Variants in MTMR3 observed in about 807,000 individuals in gnomAD.
The protein encoded by MTMR3 is phosphatidylinositol-3,5-bisphosphate 3-phosphatase MTMR3.
Under a neutral mutation model 132.4 loss-of-function variants are expected in MTMR3, and 32 were observed. The ratio of observed to expected loss-of-function variants is 0.24; its 90% CI spans 0.18 to 0.32. The LOEUF (loss-of-function observed/expected upper bound fraction) is 0.32, where lower values mean the gene tolerates loss of function less well. Ranked by LOEUF, MTMR3 falls within the 10% of genes least tolerant of loss-of-function variation. The pLI, the probability that MTMR3 is intolerant of heterozygous loss-of-function variation, is 1.00. For synonymous variants in MTMR3, 556 were observed against 550.3 expected, an observed-to-expected ratio of 1.01 and a Z score of -0.14; for missense variants, 1,216 against 1,489.6, an observed-to-expected ratio of 0.82 and a Z score of 3.02.
chr22:29,956,612 A>G (rs1005493809), intron 1 of MTMR3, among the ~76,000 whole-genome samples: 14 of 152,158 alleles, frequency 9.2e-5, no homozygotes. Flanking sequence ...AGATCCCTTG[A>G]TAGAAGCCAA....
At chr22:29,979,494 A>AAAAC (rs371725270) in intron 5 of MTMR3, 1 of 239,034 alleles carries the variant, frequency 4.2e-6, no homozygotes. Context: ...CTCCATCTCA[A>AAAAC]AAACAAACAA....
At chr22:29,938,309 G>C (rs2065789614) in intron 1 of MTMR3, among the ~76,000 whole-genome samples, 1 of 152,172 alleles carries the variant, frequency 6.6e-6, no homozygotes, top group South Asian at 2.1e-4. Flanking sequence ...ACCTTCTCTT[G>C]AGTATACCCA....
chr22:29,936,443 TC>T (rs1724218385), intron 1 of MTMR3, among the ~76,000 whole-genome samples: 1 of 152,194 alleles, frequency 6.6e-6, no homozygotes, highest in Non-Finnish European at 1.5e-5. Flanking sequence ...CAAGTAGACT[TC>T]TTCCTGCCCT....
intron 1 of MTMR3, among the ~76,000 whole-genome samples, chr22:29,895,841 G>T (rs1602419986): frequency 6.6e-6 from 1 of 152,168 alleles, no homozygotes; most frequent in Non-Finnish European, 1.5e-5. Flanking sequence ...TGTCTTCTCG[G>T]TCCAGCCACT....
At chr22:29,929,217 G>A (rs1224702693) in intron 1 of MTMR3, among the ~76,000 whole-genome samples, 1 of 152,024 alleles carries the variant, frequency 6.6e-6, no homozygotes, top group Non-Finnish European at 1.5e-5. Flanking sequence ...GGAGGCAGAG[G>A]TTGCAGTGAG....
At chr22:29,964,856 A>T (rs1236939300) in intron 2 of MTMR3, among the ~76,000 whole-genome samples, 4 of 152,180 alleles carry the variant, frequency 2.6e-5, no homozygotes, top group African/African-American at 9.6e-5. Context: ...TTTTAAACTT[A>T]CTACTATTCA....
In MTMR3 at chr22:30,029,439, G is replaced by GA. The variant is rs1282507733; in HGVS notation, c.*3640dup. 6.6e-6 allele frequency: 1 copy of GA among 152,360 alleles called. No individual in the cohort carries two copies. The highest frequency in any genetic ancestry group is 1.5e-5 in the Non-Finnish European group (1 of 68,042). 9.4% of individuals were successfully genotyped at this position (152,360 alleles called of 1,614,324 possible). A position where few individuals can be genotyped will look rare whatever the true frequency, so the allele number is the denominator to read the frequency against. ...TTAGCAAAGAATATTCTATGAATTA[G>GA]AATGTTACTGTGGTAGATCTAAAGG... On this transcript the variant is annotated 3_prime_UTR_variant, in exon 20 of 20. Coordinates refer to ENST00000401950, the MANE Select transcript of MTMR3 (RefSeq NM_021090.4).
chr22:29,894,447 A>T (rs960688620), intron 1 of MTMR3, among the ~76,000 whole-genome samples: 1 of 151,722 alleles, frequency 6.6e-6, no homozygotes, highest in Non-Finnish European at 1.5e-5. Context: ...AAGAAAAATC[A>T]GTTTCTATGC....
At chr22:29,950,373 T>TA (rs1410310703) in intron 1 of MTMR3, among the ~76,000 whole-genome samples, 2 of 151,878 alleles carry the variant, frequency 1.3e-5, no homozygotes, top group Non-Finnish European at 2.9e-5. Context: ...ATTTATTTTT[T>TA]TATTTTTTGA....
In MTMR3 at chr22:29,907,788, C is replaced by CT. The variant is rs917811348; in HGVS notation, c.-138+24438dup. ...GGCTTGCTTGGATGTGTATCTGTAT[C>CT]TTTTTTTTTGATACACACTTTGAAG... On this transcript the variant is annotated intron_variant, in intron 1 of 19. Transcript: ENST00000401950. Among the ~76,000 whole-genome samples, 57 of 151,652 alleles carry CT rather than the reference C, an allele frequency of 3.8e-4. No homozygotes were observed. The East Asian group carries it at 7.0e-3, about 19-fold the overall frequency.
At chr22:29,989,544 A>G (rs1481339269) in intron 6 of MTMR3, 2 of 152,098 alleles carry the variant, frequency 1.3e-5, no homozygotes, top group East Asian at 3.9e-4. Flanking sequence ...AACATTTTCT[A>G]CAGCCTTATT....
intron 1 of MTMR3, among the ~76,000 whole-genome samples, chr22:29,883,677 G>A (rs769853239): frequency 1.3e-5 from 2 of 152,176 alleles, no homozygotes; most frequent in African/African-American, 2.4e-5. Context: ...TGCGGCTCTG[G>A]GTGTGGGACG....
intron 1 of MTMR3, among the ~76,000 whole-genome samples, chr22:29,925,431 G>A (rs547333525): frequency 6.6e-6 from 1 of 152,156 alleles, no homozygotes; most frequent in South Asian, 2.1e-4. Context: ...GAGATAAGTT[G>A]ATTTTAAATT....
At chr22:30,014,025 CG>C (rs1467112997) in intron 14 of MTMR3, 1 of 154,202 alleles carries the variant, frequency 6.5e-6, no homozygotes, top group East Asian at 1.9e-4. Flanking sequence ...TGCATCAGTG[CG>C]TTTCCCTCTC....
chr22:29,902,042 T>C (rs2065010702), intron 1 of MTMR3, among the ~76,000 whole-genome samples: 1 of 152,190 alleles, frequency 6.6e-6, no homozygotes, highest in East Asian at 1.9e-4. Flanking sequence ...CATGTGCCCA[T>C]GTATTTTTTT....
intron 16 of MTMR3, 170 bp from the exon 17 acceptor site, chr22:30,019,310 C>T: frequency 3.1e-6 from 2 of 639,694 alleles, no homozygotes; most frequent in Non-Finnish European, 5.3e-6. Flanking sequence ...AGGACTTGTT[C>T]CGGAGCTTTG....
In MTMR3 at chr22:29,991,688, G is replaced by A. The variant is rs755177827; in HGVS notation, c.460+18G>A. On this transcript the variant is annotated intron_variant, in intron 7 of 19. Transcript: ENST00000401950. ...CAGACCAGGTACGCCTTTCTGAAAT[G>A]TGCAAATGGCCAGGGGCTTTATCAA... is the stretch of plus-strand genomic sequence containing the variant. 1.9e-6 allele frequency: 3 copies of A among 1,566,352 alleles called. No individual in the cohort carries two copies. Among genetic ancestry groups the A allele is most frequent in the Admixed American group, 1.9e-5 (1 of 52,248 alleles).
chr22:29,917,814 A>G (rs998196598), intron 1 of MTMR3, among the ~76,000 whole-genome samples: 7 of 152,212 alleles, frequency 4.6e-5, no homozygotes, highest in Non-Finnish European at 7.3e-5. Flanking sequence ...TTCCTTTTAT[A>G]CTTGTCAAAA....
At chr22:29,930,784 T>G (rs1438130758) in intron 1 of MTMR3, among the ~76,000 whole-genome samples, 3 of 151,976 alleles carry the variant, frequency 2.0e-5, no homozygotes, top group African/African-American at 7.3e-5. Context: ...GAGGATTGCT[T>G]GAGCCCAGGA....
Sources: gnomAD v4.1 joint callset for allele counts (sites outside exome capture counted in the v4.1 genomes callset) on GRCh38, gnomAD v4.1.1 for gene constraint, MANE v1.5 for transcripts, NCBI Gene and HGNC (gene_info 2026-07-23, HGNC 2026-07-21) for gene names.